The following RAB11FIP4 variants were observed in gnomAD, a reference collection of about 807,000 sequenced individuals.
The protein encoded by RAB11FIP4 is rab11 family-interacting protein 4.
A neutral mutation model predicts 74.3 loss-of-function variants in RAB11FIP4; 23 were observed. That is an observed-to-expected ratio of 0.31 (90% CI 0.22 to 0.44). RAB11FIP4 has a LOEUF of 0.44. RAB11FIP4 is among the 20% of genes least tolerant of loss of function. The pLI is 1.00. For synonymous variants in RAB11FIP4, 360 were observed against 359.9 expected (o/e 1.00, Z 0.00); for missense variants, 630 against 863.9 (o/e 0.73, Z 3.39).
chr17:31,470,208 A>C (rs556550678), intron 3 of RAB11FIP4, among the ~76,000 whole-genome samples: 1 of 152,200 alleles, frequency 6.6e-6, no homozygotes, highest in African/African-American at 2.4e-5. Flanking sequence ...CTGGGGTAGC[A>C]GAGTCCAAGA....
intron 1 of RAB11FIP4, among the ~76,000 whole-genome samples, chr17:31,429,039 G>A (rs1181194411): frequency 4.6e-5 from 7 of 152,062 alleles, no homozygotes; most frequent in East Asian, 1.9e-4. Context: ...GTGCAGTGGC[G>A]CGATCTTGGA....
chr17:31,502,740 G>C (rs2072245582), intron 3 of RAB11FIP4, among the ~76,000 whole-genome samples: 1 of 152,254 alleles, frequency 6.6e-6, no homozygotes, highest in African/African-American at 2.4e-5. Flanking sequence ...TGGTCTATTG[G>C]TCTGCTACGG....
At chr17:31,438,879 AG>A (rs1459095099) in intron 3 of RAB11FIP4, among the ~76,000 whole-genome samples, 1 of 152,058 alleles carries the variant, frequency 6.6e-6, no homozygotes, top group Non-Finnish European at 1.5e-5. Context: ...TGGGAGGCTG[AG>A]GTGGGAGGAT....
At chr17:31,523,758 C>T (rs1200277905) in intron 8 of RAB11FIP4, 135 bp from the exon 9 acceptor site, 1 of 991,314 alleles carries the variant, frequency 1.0e-6, no homozygotes, top group Non-Finnish European at 1.6e-6. Context: ...GTGTTCCCCA[C>T]TCCCCCACCC....
At chr17:31,433,437 C>T (rs1322568491) in intron 2 of RAB11FIP4, among the ~76,000 whole-genome samples, 1 of 152,224 alleles carries the variant, frequency 6.6e-6, no homozygotes, top group South Asian at 2.1e-4. Flanking sequence ...AGGTTTTCTG[C>T]GTGGATTTGA....
intron 3 of RAB11FIP4, among the ~76,000 whole-genome samples, chr17:31,511,899 G>A (rs919356765): frequency 6.6e-6 from 1 of 152,238 alleles, no homozygotes; most frequent in Non-Finnish European, 1.5e-5. Context: ...CTCAAGACTG[G>A]AGAGGGCCCC....
rs551050957 is a variant in RAB11FIP4, at chr17:31,414,499, C to G, written c.160-17314C>G. 3.9e-3 allele frequency among the ~76,000 whole-genome samples: 587 copies of G among 152,330 alleles called. 2 individuals carry two copies. The highest frequency in any genetic ancestry group is 5.7e-3 in the Non-Finnish European group (386 of 68,034). On this transcript the variant is annotated intron_variant, in intron 1 of 14. Coordinates refer to ENST00000621161, the MANE Select transcript of RAB11FIP4 (RefSeq NM_032932.6). The stretch of plus-strand genomic sequence containing the variant: ...GCTCCTATTCAGACCCCAAACAAAG[C>G]CCTTGTGGGTGGCCGGAGGGATTCT...
At chr17:31,394,430 C>A (rs1213209612) in intron 1 of RAB11FIP4, among the ~76,000 whole-genome samples, 2 of 152,152 alleles carry the variant, frequency 1.3e-5, no homozygotes, top group Non-Finnish European at 2.9e-5. Flanking sequence ...TTGCTGTTTC[C>A]TCTCCAGGAC....
intron 3 of RAB11FIP4, among the ~76,000 whole-genome samples, chr17:31,480,273 A>G (rs1050580470): frequency 1.8e-4 from 28 of 151,930 alleles, no homozygotes; most frequent in African/African-American, 6.5e-4. Flanking sequence ...ACAGTTGGGG[A>G]GGAGGAGGAG....
intron 1 of RAB11FIP4, among the ~76,000 whole-genome samples, chr17:31,404,162 C>T (rs1278185077): frequency 2.0e-5 from 3 of 152,234 alleles, no homozygotes; most frequent in Non-Finnish European, 4.4e-5. Context: ...CTGTGTGGGG[C>T]TGAGTCTTCT....
At chr17:31,473,683 A>G (rs1403096531) in intron 3 of RAB11FIP4, among the ~76,000 whole-genome samples, 1 of 152,188 alleles carries the variant, frequency 6.6e-6, no homozygotes, top group African/African-American at 2.4e-5. Context: ...TAGGTGGAGG[A>G]AAGAGCCATC....
rs1567698657 is a variant in RAB11FIP4 at position 31,534,010 on chromosome 17, ATGTT to A, written c.*2282_*2285del. On this transcript the variant is annotated 3_prime_UTR_variant, in exon 15 of 15. Coordinates refer to ENST00000621161, the MANE Select transcript of RAB11FIP4 (RefSeq NM_032932.6). ...GTTGCTTGGCTTTTAAAGATGGTGTATGTTTGTAAAAATATTCTTCTGGGCTCAA... is the reference window on the plus strand; with the variant it reads ...GTTGCTTGGCTTTTAAAGATGGTGTATGTAAAAATATTCTTCTGGGCTCAA... 6.6e-6 allele frequency: 1 copy of A among 152,194 alleles called. No homozygotes were observed. The highest frequency in any genetic ancestry group is 1.9e-4 in the East Asian group (1 of 5,178). 9.4% of individuals were successfully genotyped at this position (152,194 alleles called of 1,614,324 possible).
chr17:31,482,103 A>G (rs984009729), intron 3 of RAB11FIP4, among the ~76,000 whole-genome samples: 1 of 152,218 alleles, frequency 6.6e-6, no homozygotes, highest in African/African-American at 2.4e-5. Context: ...AAGCTCTTCC[A>G]GGGGAGGAGT....
chr17:31,523,988 G>A lies in RAB11FIP4; in HGVS notation c.1125G>A (p.Leu375=). The A allele has an allele frequency of 6.2e-7, 1 of 1,609,964 alleles. No homozygotes were observed. Among genetic ancestry groups the A allele is most frequent in the Non-Finnish European group, 8.5e-7 (1 of 1,178,172 alleles). The change falls in exon 9 of 15, where the codon CTG becomes CTA. Residue 375 remains leucine (L), a synonymous_variant. Transcript: ENST00000621161. ...AGCTGAAGCAAGAGAACACACAGCT[G>A]GTGCACAGGTCAAGCAGGCAGCGGC... ...KSKLKQENTQ[L]VHRVHELEEM... is the part of the protein sequence containing the mutation.
chr17:31,516,247 C>G (rs2072543862), intron 3 of RAB11FIP4, among the ~76,000 whole-genome samples: 1 of 150,802 alleles, frequency 6.6e-6, no homozygotes, highest in Non-Finnish European at 1.5e-5. Flanking sequence ...CACCATGTGG[C>G]AGCAGACTCT....
chr17:31,520,924 T>C, intron 4 of RAB11FIP4: 1 of 307,596 alleles, frequency 3.3e-6, no homozygotes, highest in Non-Finnish European at 5.9e-6. Flanking sequence ...GACAATTAGG[T>C]TGTAAGCAGT....
At chr17:31,508,514 T>A (rs946584085) in intron 3 of RAB11FIP4, among the ~76,000 whole-genome samples, 5 of 152,242 alleles carry the variant, frequency 3.3e-5, no homozygotes, top group Middle Eastern at 3.4e-3. Flanking sequence ...TGGACAGGTG[T>A]GGAATGTTGA....
rs2071726536 is a variant in RAB11FIP4 at position 31,470,385 on chromosome 17, G to A, written c.336+36263G>A. On this transcript the variant is annotated intron_variant, in intron 3 of 14. Transcript: ENST00000621161. Reference sequence around the variant, plus strand: ...AAGGGTGATTGATGCTCTGCTACTTGTGGCCTTGGAGGTGCTCACAGTGAG... The same window carrying A: ...AAGGGTGATTGATGCTCTGCTACTTATGGCCTTGGAGGTGCTCACAGTGAG... 2.6e-5 allele frequency among the ~76,000 whole-genome samples: 4 copies of A among 152,306 alleles called. No individual in the cohort carries two copies. The East Asian group carries it at 5.8e-4, about 22-fold the overall frequency.
chr17:31,431,756 C>G (rs34137478), intron 1 of RAB11FIP4, 57 bp from the exon 2 acceptor site: 94,880 of 1,157,788 alleles, frequency 0.082, 5,556 homozygotes, highest in African/African-American at 0.12. Flanking sequence ...ACCCAGCTCC[C>G]TGAGTCTTCG....
Sources: gnomAD v4.1 joint callset for allele counts (sites outside exome capture counted in the v4.1 genomes callset) on GRCh38, gnomAD v4.1.1 for gene constraint, MANE v1.5 for transcripts, NCBI Gene and HGNC (gene_info 2026-07-23, HGNC 2026-07-21) for gene names.